The following RIMBP2 variants were observed in gnomAD, a reference collection of about 807,000 sequenced individuals.
The protein encoded by RIMBP2 is RIMS binding protein 2.
In RIMBP2, 48 loss-of-function variants were observed where a neutral mutation model predicts 118.6. The observed-to-expected ratio is 0.40, with a 90% CI of 0.32 to 0.51. The LOEUF (loss-of-function observed/expected upper bound fraction) is 0.51, where lower values mean the gene tolerates loss of function less well. Among genes scored for constraint, RIMBP2 ranks in the 20% least tolerant of loss-of-function variants. RIMBP2 has a pLI of 0.41. For synonymous variants in RIMBP2, 762 were observed against 742.9 expected (o/e 1.03, Z -0.42); for missense variants, 1,551 against 1,768.3 (o/e 0.88, Z 2.20).
intron 12 of RIMBP2, among the ~76,000 whole-genome samples, chr12:130,437,773 A>C (rs2137054188): frequency 6.6e-6 from 1 of 152,316 alleles, no homozygotes; most frequent in Admixed American, 6.5e-5. Flanking sequence ...GAAGCGGCTC[A>C]GGCAGACGCA....
intron 1 of RIMBP2, among the ~76,000 whole-genome samples, chr12:130,637,538 A>G (rs1444322460): frequency 6.6e-6 from 1 of 152,238 alleles, no homozygotes; most frequent in East Asian, 1.9e-4. Flanking sequence ...GGGAACATAT[A>G]ATAAGAGTAA....
Position 130,591,961 on chromosome 12 carries a change from C to T in RIMBP2, c.-217+36361G>A, listed in dbSNP as rs541890511. 3.3e-5 allele frequency among the ~76,000 whole-genome samples: 5 copies of T among 152,314 alleles called. No homozygotes were observed. In the South Asian group the frequency reaches 1.0e-3, roughly 32 times the overall value. ...CGCTGCACCACTGCCCCAGCCGAGCCACGTCCCAGGCCTGGAGTCAGAGAG... is the reference window on the plus strand; with the variant it reads ...CGCTGCACCACTGCCCCAGCCGAGCTACGTCCCAGGCCTGGAGTCAGAGAG... On this transcript the variant is annotated intron_variant, in intron 2 of 22. Coordinates refer to ENST00000690449, the MANE Select transcript of RIMBP2 (RefSeq NM_001393629.1).
intron 1 of RIMBP2, among the ~76,000 whole-genome samples, chr12:130,636,203 T>C (rs1444968402): frequency 6.6e-6 from 1 of 152,170 alleles, no homozygotes; most frequent in African/African-American, 2.4e-5. Flanking sequence ...GCTGGCTCTA[T>C]TGTCTTTCAG....
rs745735126 is a variant in RIMBP2, at chr12:130,445,319, C to G, written c.582-50G>C. ...ATTAGAGGCTCTGGAGGACACAGCC[C>G]GCACCCCTGTCCGTGCAGAACGCCA... On this transcript the variant is annotated intron_variant, in intron 9 of 22. Transcript: ENST00000690449. The G allele has an allele frequency of 9.6e-6, 13 of 1,355,564 alleles. No homozygotes were observed. In the Admixed American group the frequency reaches 2.1e-4, roughly 22 times the overall value. 84.0% of individuals were successfully genotyped at this position (1,355,564 alleles called of 1,614,324 possible). A position where few individuals can be genotyped will look rare whatever the true frequency, so the allele number is the denominator to read the frequency against.
intron 3 of RIMBP2, among the ~76,000 whole-genome samples, chr12:130,508,808 A>G (rs2050615701): frequency 6.6e-6 from 1 of 152,186 alleles, no homozygotes; most frequent in Non-Finnish European, 1.5e-5. Flanking sequence ...TGGTCGAGCA[A>G]GATTTTTGTA....
At chr12:130,509,806 G>T (rs764581237) in intron 3 of RIMBP2, among the ~76,000 whole-genome samples, 10 of 151,818 alleles carry the variant, frequency 6.6e-5, no homozygotes, top group Non-Finnish European at 1.3e-4. Flanking sequence ...CAGTTTGCAA[G>T]TGCTGTGTAT....
intron 1 of RIMBP2, among the ~76,000 whole-genome samples, chr12:130,677,753 T>C (rs553890318): frequency 6.6e-6 from 1 of 152,334 alleles, no homozygotes; most frequent in African/African-American, 2.4e-5. Context: ...GGCCTGTGTG[T>C]TTCCCTGAGC....
chr12:130,528,826 C>A (rs576776060), intron 2 of RIMBP2, among the ~76,000 whole-genome samples: 101 of 152,142 alleles, frequency 6.6e-4, no homozygotes, highest in Non-Finnish European at 1.1e-3. Context: ...CTGAGGAGGT[C>A]AAAAATGGGA....
intron 6 of RIMBP2, among the ~76,000 whole-genome samples, chr12:130,457,584 G>A (rs2079560096): frequency 6.6e-6 from 1 of 152,204 alleles, no homozygotes; most frequent in Admixed American, 6.5e-5. Context: ...GGACAGAGGG[G>A]TCTACAGAGG....
chr12:130,626,948 T>C (rs1302260045), intron 2 of RIMBP2, among the ~76,000 whole-genome samples: 1 of 145,786 alleles, frequency 6.9e-6, no homozygotes, highest in East Asian at 2.1e-4. Context: ...ATTACCACCA[T>C]TATCACCACG....
intron 6 of RIMBP2, among the ~76,000 whole-genome samples, chr12:130,466,878 G>A (rs2080527526): frequency 1.3e-5 from 2 of 152,206 alleles, no homozygotes; most frequent in Non-Finnish European, 2.9e-5. Flanking sequence ...CAGATTCAAT[G>A]AGCCAGACTA....
At chr12:130,618,314 A>G (rs561465053) in intron 2 of RIMBP2, among the ~76,000 whole-genome samples, 1 of 152,320 alleles carries the variant, frequency 6.6e-6, no homozygotes, top group African/African-American at 2.4e-5. Context: ...TCAGATTAGA[A>G]GGTTACACGT....
rs1014180975 is a variant in RIMBP2, at chr12:130,670,167, C to T, written c.-351-41711G>A. Reference sequence around the variant, plus strand: ...GCTGCCAGGAGCCCAGGAATGCCTACGGTTGGGAGAGACAAGGAAGAGGCC... The same window carrying T: ...GCTGCCAGGAGCCCAGGAATGCCTATGGTTGGGAGAGACAAGGAAGAGGCC... On this transcript the variant is annotated intron_variant, in intron 1 of 22. Transcript: ENST00000690449. The surrounding 1 kb of genome is among the most constrained non-coding windows in gnomAD (Gnocchi z 4.9). Among the ~76,000 whole-genome samples, 2 of 152,012 alleles carry T rather than the reference C, an allele frequency of 1.3e-5. No homozygotes were observed. The highest frequency in any genetic ancestry group is 2.9e-5 in the Non-Finnish European group (2 of 68,000).
intron 1 of RIMBP2, among the ~76,000 whole-genome samples, chr12:130,685,983 G>A (rs1406872811): frequency 1.3e-5 from 2 of 152,128 alleles, no homozygotes; most frequent in East Asian, 1.9e-4. Flanking sequence ...TCCCCCCGGG[G>A]AGCAGATGCA....
At chr12:130,467,657 T>C (rs1274581660) in intron 6 of RIMBP2, among the ~76,000 whole-genome samples, 1 of 152,228 alleles carries the variant, frequency 6.6e-6, no homozygotes, top group African/African-American at 2.4e-5. Context: ...TGGCTGTATC[T>C]AGGCAACGGG....
At chr12:130,461,096 A>G (rs1438801655) in intron 6 of RIMBP2, among the ~76,000 whole-genome samples, 1 of 152,118 alleles carries the variant, frequency 6.6e-6, no homozygotes, top group Non-Finnish European at 1.5e-5. Context: ...GCCAGGCTCC[A>G]CCCGTGACAC....
At chr12:130,572,042 T>C (rs1291744794) in intron 2 of RIMBP2, among the ~76,000 whole-genome samples, 2 of 152,210 alleles carry the variant, frequency 1.3e-5, no homozygotes, top group Non-Finnish European at 2.9e-5. Context: ...CCTTAGCCAT[T>C]GGTGTATCTA....
At chr12:130,421,652 A>G (rs548508756) in intron 17 of RIMBP2, among the ~76,000 whole-genome samples, 2 of 150,438 alleles carry the variant, frequency 1.3e-5, no homozygotes, top group African/African-American at 4.9e-5. Context: ...GTTTCTCCTC[A>G]TCTATTTCTG....
chr12:130,477,429 G>A (rs544506272), intron 5 of RIMBP2, among the ~76,000 whole-genome samples: 86 of 152,282 alleles, frequency 5.6e-4, no homozygotes, highest in African/African-American at 2.0e-3. Context: ...GCCATCAGGC[G>A]TCACCCGGCC....
Sources: gnomAD v4.1 joint callset for allele counts (sites outside exome capture counted in the v4.1 genomes callset) on GRCh38, gnomAD v4.1.1 for gene constraint, Gnocchi (gnomAD v3.1) non-coding constraint, MANE v1.5 for transcripts, NCBI Gene and HGNC (gene_info 2026-07-23, HGNC 2026-07-21) for gene names.